The following ABI3BP variants were observed in gnomAD, a reference collection of about 807,000 sequenced individuals.
ABI3BP encodes the protein target of Nesh-SH3.
A neutral mutation model predicts 268.6 loss-of-function variants in ABI3BP; 216 were observed. That is an observed-to-expected ratio of 0.80 (90% CI 0.72 to 0.90). The LOEUF is 0.90. ABI3BP is among the 40% of genes least tolerant of loss of function. The probability of loss-of-function intolerance (pLI) is 0.00; values close to 1 mark genes in which losing one functional copy is unlikely to be tolerated. For synonymous variants in ABI3BP, 730 were observed against 730.0 expected (o/e 1.00, Z 0.00); for missense variants, 2,090 against 2,182.4 (o/e 0.96, Z 0.84).
intron 63 of ABI3BP, among the ~76,000 whole-genome samples, chr3:100,762,224 A>G (rs540405317): frequency 6.6e-6 from 1 of 152,176 alleles, no homozygotes; most frequent in Non-Finnish European, 1.5e-5. Flanking sequence ...AAGAAACACA[A>G]TGGAAAGAAA....
chr3:100,993,367 C>A lies in ABI3BP; in HGVS notation c.18G>T (p.Gly6=). 6.4e-6 allele frequency: 10 copies of A among 1,553,286 alleles called. No homozygotes were observed. Among genetic ancestry groups the A allele is most frequent in the Non-Finnish European group, 8.7e-6 (10 of 1,147,732 alleles). The change falls in exon 1 of 68, where the codon GGG becomes GGT. Residue 6 remains glycine (G), a synonymous_variant. Transcript: ENST00000471714. Reference sequence around the variant, plus strand: ...TAATACTTCCACAGAGAAGTAGACACCCCAAACTGGAGAGCATGTTGCATT... The same window carrying A: ...TAATACTTCCACAGAGAAGTAGACAACCCAAACTGGAGAGCATGTTGCATT... The part of the protein sequence containing the change: MLSSL[G]CLLLCGSITL...
chr3:100,872,294 A>G (rs2099117568), intron 9 of ABI3BP, among the ~76,000 whole-genome samples: 1 of 152,254 alleles, frequency 6.6e-6, no homozygotes, highest in South Asian at 2.1e-4. Flanking sequence ...TTAGTGAATC[A>G]TATCAGAAGA....
chr3:100,824,825 G>A (rs1255911608), intron 36 of ABI3BP, 33 bp downstream of exon 36: 3 of 1,509,378 alleles, frequency 2.0e-6, no homozygotes, highest in African/African-American at 1.4e-5. Flanking sequence ...GGCTGCCAGG[G>A]ATCACCCTTA....
chr3:100,830,961 T>C (rs1463179980), intron 31 of ABI3BP, among the ~76,000 whole-genome samples: 2 of 152,120 alleles, frequency 1.3e-5, no homozygotes, highest in African/African-American at 4.8e-5. Context: ...GAAAAAGATA[T>C]GGTAAAGACT....
At chr3:100,850,952 C>T (rs1340587150) in intron 15 of ABI3BP, among the ~76,000 whole-genome samples, 1 of 152,174 alleles carries the variant, frequency 6.6e-6, no homozygotes, top group African/African-American at 2.4e-5. Flanking sequence ...CATGATTAAA[C>T]AGTGTTTTAT....
At chr3:100,903,038 G>A (rs2051237138) in intron 2 of ABI3BP, among the ~76,000 whole-genome samples, 1 of 152,124 alleles carries the variant, frequency 6.6e-6, no homozygotes, top group Non-Finnish European at 1.5e-5. Flanking sequence ...GCCTCAAGGA[G>A]AGCCAATCCC....
intron 57 of ABI3BP, among the ~76,000 whole-genome samples, chr3:100,785,295 G>A (rs2096997737): frequency 1.3e-5 from 2 of 152,236 alleles, no homozygotes; most frequent in South Asian, 2.1e-4. Context: ...TGAAAGTGTG[G>A]ATGAGACAGT....
intron 53 of ABI3BP, 92 bp downstream of exon 53, chr3:100,795,712 G>T (rs1368414184): frequency 1.0e-6 from 1 of 953,326 alleles, no homozygotes; most frequent in Non-Finnish European, 1.4e-6. Context: ...GGATTGAGAA[G>T]AAATGATGTT....
Position 100,770,827 on chromosome 3 carries a change from T to C in ABI3BP, c.4657A>G (p.Thr1553Ala), listed in dbSNP as rs757455083. 3 of 1,599,180 alleles carry C rather than the reference T, an allele frequency of 1.9e-6. No homozygotes were observed. In the East Asian group the frequency reaches 6.8e-5, roughly 36 times the overall value. Residue 1553 changes from threonine to alanine, a missense_variant, in exon 62 of 68, where the codon ACC becomes GCC. Transcript: ENST00000471714. ...TCCACGGTGACCACAGTGAGGTTGG[T>C]GGGTGGGTTCTGTGGTGGGCTGGTG... ...NATSPPQNPP[T>A]NLTVVTVEGC...
At chr3:100,753,899 A>G in intron 64 of ABI3BP, 51 bp from the exon 65 acceptor site, 4 of 1,560,304 alleles carry the variant, frequency 2.6e-6, no homozygotes, top group South Asian at 2.3e-5. Context: ...AAACCCCAAC[A>G]TTCCAGTGGC....
In ABI3BP at chr3:100,848,788, A is replaced by G; in HGVS notation, c.1576+13T>C. On this transcript the variant is annotated intron_variant, in intron 18 of 67. Coordinates refer to ENST00000471714, the MANE Select transcript of ABI3BP (RefSeq NM_001375547.2). Reference sequence around the variant, plus strand: ...TGGAATTACATATCATGTAAATATAAAGAGACATTTACCAGGTTTGGTTCT... The same window carrying G: ...TGGAATTACATATCATGTAAATATAGAGAGACATTTACCAGGTTTGGTTCT... The G allele has an allele frequency of 6.2e-7, 1 of 1,604,010 alleles. No individual in the cohort carries two copies. The highest frequency in any genetic ancestry group is 8.5e-7 in the Non-Finnish European group (1 of 1,171,018).
intron 9 of ABI3BP, among the ~76,000 whole-genome samples, chr3:100,873,918 C>T (rs902092727): frequency 5.3e-5 from 8 of 152,188 alleles, no homozygotes; most frequent in African/African-American, 1.7e-4. Context: ...ATACAATGTG[C>T]TGATTCAATC....
intron 17 of ABI3BP, among the ~76,000 whole-genome samples, chr3:100,849,399 T>C (rs1174375503): frequency 3.9e-5 from 6 of 152,126 alleles, no homozygotes; most frequent in Admixed American, 3.9e-4. Flanking sequence ...AATTTTTGTA[T>C]TTTGACTAGA....
At chr3:100,953,147 C>CT (rs1044938469) in intron 1 of ABI3BP, among the ~76,000 whole-genome samples, 26 of 152,188 alleles carry the variant, frequency 1.7e-4, no homozygotes, top group African/African-American at 5.3e-4. Context: ...ATTTTGTCTC[C>CT]TGTGCCTACA....
rs1398852941 is a variant in ABI3BP at position 100,780,232 on chromosome 3, G to A, written c.4163-23C>T. ...CCCCTATGAGCAGAGATAATGAAAGGGAATAAACATATAGCAAAAATGTTC... is the reference window on the plus strand; with the variant it reads ...CCCCTATGAGCAGAGATAATGAAAGAGAATAAACATATAGCAAAAATGTTC... On this transcript the variant is annotated intron_variant, in intron 57 of 67. Transcript: ENST00000471714. 3.7e-6 allele frequency: 6 copies of A among 1,605,462 alleles called. No homozygotes were observed. In the Admixed American group the frequency reaches 8.5e-5, roughly 23 times the overall value.
Position 100,803,676 on chromosome 3 carries a change from T to C in ABI3BP, c.3757+1116A>G, listed in dbSNP as rs147740216. Among the ~76,000 whole-genome samples, 832 of 152,286 alleles carry C rather than the reference T, an allele frequency of 5.5e-3. 20 individuals are homozygous for C. The highest frequency in any genetic ancestry group is 0.019 in the African/African-American group (795 of 41,556). ...AAAAGTAAATAAAGTCACTCAAATCTACTGTTATCTATAACAAATTAATTT... is the reference window on the plus strand; with the variant it reads ...AAAAGTAAATAAAGTCACTCAAATCCACTGTTATCTATAACAAATTAATTT... On this transcript the variant is annotated intron_variant, in intron 51 of 67. Transcript: ENST00000471714.
At chr3:100,905,527 C>T (rs2052984274) in intron 2 of ABI3BP, among the ~76,000 whole-genome samples, 1 of 86,788 alleles carries the variant, frequency 1.2e-5, no homozygotes, top group Non-Finnish European at 2.4e-5. Flanking sequence ...GATAAGGGCA[C>T]TCTTAGTTCT....
intron 2 of ABI3BP, among the ~76,000 whole-genome samples, chr3:100,904,094 G>A (rs1194154011): frequency 1.3e-5 from 2 of 152,212 alleles, no homozygotes; most frequent in East Asian, 1.9e-4. Flanking sequence ...TGTACTGAAC[G>A]CTTTCTATGT....
chr3:100,901,816 G>C (rs2050561679), intron 3 of ABI3BP, among the ~76,000 whole-genome samples: 1 of 151,332 alleles, frequency 6.6e-6, no homozygotes, highest in Admixed American at 6.6e-5. Context: ...ACTCTATATA[G>C]AGTTAGGAAG....
Sources: gnomAD v4.1 joint callset for allele counts (sites outside exome capture counted in the v4.1 genomes callset) on GRCh38, gnomAD v4.1.1 for gene constraint, MANE v1.5 for transcripts, NCBI Gene and HGNC (gene_info 2026-07-23, HGNC 2026-07-21) for gene names.